The following NPY variants were observed in gnomAD, a reference collection of about 807,000 sequenced individuals.
The protein encoded by NPY is pro-neuropeptide Y.
A neutral mutation model predicts 13.2 loss-of-function variants in NPY; 11 were observed. That is an observed-to-expected ratio of 0.83 (90% confidence interval 0.52 to 1.38). The LOEUF (loss-of-function observed/expected upper bound fraction) is 1.38. NPY is among the 40% of genes most tolerant of loss of function. The pLI, the probability that NPY is intolerant of heterozygous loss-of-function variation, is 0.00. For synonymous variants in NPY, 51 were observed against 55.6 expected, an observed-to-expected ratio of 0.92 and a Z score of 0.37; for missense variants, 109 against 125.1, an observed-to-expected ratio of 0.87 and a Z score of 0.61.
Position 24,291,665 on chromosome 7 carries a change from T to C in NPY, c.272T>C (p.Leu91Pro), listed in dbSNP as rs1052363986. 3 of 1,614,050 alleles carry C rather than the reference T, an allele frequency of 1.9e-6. No individual in the cohort carries two copies. The highest frequency in any genetic ancestry group is 1.7e-5 in the Admixed American group (1 of 60,012). Residue 91 changes from leucine to proline, a missense_variant and splice_region_variant, in exon 4 of 4, where the codon CTT becomes CCT. Leu to Pro is a moderately conservative substitution (Grantham distance 98). Coordinates refer to ENST00000242152, the MANE Select transcript of NPY (RefSeq NM_000905.4). ...GCTTTGCTTCTTATGTTTTACAGGC[T>C]TGAAGACCCTGCAATGTGGTGATGG... is the stretch of plus-strand genomic sequence containing the variant. ...ESTENVPRTR[L>P]EDPAMW
Position 24,285,344 on chromosome 7 carries a change from A to T in NPY, c.104A>T (p.Asn35Ile), listed in dbSNP as rs1787321687. The T allele has an allele frequency of 1.2e-6, 2 of 1,613,882 alleles. No homozygotes were observed. ...LAEAYPSKPD[N>I]PGEDAPAEDM... ...GAGGCGTACCCCTCCAAGCCGGACA[A>T]CCCGGGCGAGGACGCACCAGCGGAG... Residue 35 changes from asparagine (N) to isoleucine (I), a missense_variant, in exon 2 of 4, where the codon AAC (asparagine) becomes ATC (isoleucine). By Grantham distance (149) the Asn-to-Ile change is moderately radical (BLOSUM62 -3). Transcript: ENST00000242152. The surrounding 1 kb of genome is among the most constrained non-coding windows in gnomAD (Gnocchi z 4.9).
At chr7:24,287,564 T>A (rs1387583011) in intron 2 of NPY, among the ~76,000 whole-genome samples, 1 of 151,972 alleles carries the variant, frequency 6.6e-6, no homozygotes, top group Non-Finnish European at 1.5e-5. Context: ...AGTGTGGGTC[T>A]CCTACAATTT....
chr7:24,290,995 TATG>T (rs1787581128), intron 3 of NPY, among the ~76,000 whole-genome samples: 1 of 152,068 alleles, frequency 6.6e-6, no homozygotes, highest in Non-Finnish European at 1.5e-5. Context: ...CTGACATGCA[TATG>T]ATGTTTGCCA....
rs115279329 is a variant in NPY at position 24,287,390 on chromosome 7, G to T, written c.188+1962G>T. ...TTCTGAAAATTACAGGGTCATTTGT[G>T]GATGTGCTTTAATTTAGTATAGATA... On this transcript the variant is annotated intron_variant, in intron 2 of 3. Transcript: ENST00000242152. 6.7e-3 allele frequency among the ~76,000 whole-genome samples: 1,024 copies of T among 152,252 alleles called. 12 individuals are homozygous for T. The highest frequency in any genetic ancestry group is 0.024 in the African/African-American group (987 of 41,542).
At chr7:24,287,880 C>A (rs1333671712) in intron 2 of NPY, among the ~76,000 whole-genome samples, 1 of 152,128 alleles carries the variant, frequency 6.6e-6, no homozygotes, top group Middle Eastern at 3.2e-3. Flanking sequence ...CACCCCTGAC[C>A]AATTAAATCA....
intron 2 of NPY, among the ~76,000 whole-genome samples, chr7:24,288,719 C>T (rs575193540): frequency 6.7e-6 from 1 of 150,318 alleles, no homozygotes; most frequent in Non-Finnish European, 1.5e-5. Context: ...AGAACATTTC[C>T]ATGGATCAGT....
At chr7:24,284,967 C>T in intron 1 of NPY, 1 of 549,220 alleles carries the variant, frequency 1.8e-6, no homozygotes, top group Non-Finnish European at 3.3e-6. Flanking sequence ...CCCCACCTTG[C>T]ACTCTCGCCG....
chr7:24,291,712 C>G lies in NPY; in HGVS notation c.*25C>G. 6.2e-7 allele frequency: 1 copy of G among 1,613,904 alleles called. No homozygotes were observed. Among genetic ancestry groups the G allele is most frequent in the South Asian group, 1.1e-5 (1 of 91,050 alleles). On this transcript the variant is annotated 3_prime_UTR_variant, in exon 4 of 4. Transcript: ENST00000242152. Reference sequence around the variant, plus strand: ...ATGGGAAATGAGACTTGCTCTCTGGCCTTTTCCTATTTTCAGCCCATATTT... The same window carrying G: ...ATGGGAAATGAGACTTGCTCTCTGGGCTTTTCCTATTTTCAGCCCATATTT...
At chr7:24,291,523 C>A in intron 3 of NPY, 140 bp from the exon 4 acceptor site, 2 of 893,312 alleles carry the variant, frequency 2.2e-6, no homozygotes, top group South Asian at 1.6e-5. Flanking sequence ...TTCCACATGG[C>A]TTCTTATTTA....
intron 3 of NPY, 52 bp from the exon 4 acceptor site, chr7:24,291,611 C>G: frequency 6.2e-6 from 10 of 1,610,178 alleles, no homozygotes; most frequent in Non-Finnish European, 8.5e-6. Flanking sequence ...TTGCTCATAC[C>G]TCAGGAAGTT....
At chr7:24,286,971 A>T (rs1787411690) in intron 2 of NPY, among the ~76,000 whole-genome samples, 1 of 152,226 alleles carries the variant, frequency 6.6e-6, no homozygotes, top group South Asian at 2.1e-4. Context: ...AGCATTTTAA[A>T]ATGTTTTCCT....
Position 24,285,510 on chromosome 7 carries a change from G to A in NPY, c.188+82G>A. On this transcript the variant is annotated intron_variant, in intron 2 of 3. Coordinates refer to ENST00000242152, the MANE Select transcript of NPY (RefSeq NM_000905.4). The surrounding 1 kb of genome is among the most constrained non-coding windows in gnomAD (Gnocchi z 4.9). ...CCTGGGGATGTTAGGGAAAGGGATT[G>A]TTTCTTTTCCTTCGCTCTATCCCAG... 3 of 1,404,624 alleles carry A rather than the reference G, an allele frequency of 2.1e-6. No individual in the cohort carries two copies. The highest frequency in any genetic ancestry group is 2.9e-6 in the Non-Finnish European group (3 of 1,024,316). The allele number at this position is 1,404,624 out of a possible 1,614,324, so 87.0% of individuals were successfully genotyped here. A position where few individuals can be genotyped will look rare whatever the true frequency, so the allele number is the denominator to read the frequency against.
intron 3 of NPY, among the ~76,000 whole-genome samples, chr7:24,290,068 C>G (rs890600288): frequency 6.6e-6 from 1 of 152,116 alleles, no homozygotes; most frequent in East Asian, 1.9e-4. Context: ...CTCTGGATTA[C>G]TTTTTGACAT....
At chr7:24,291,023 G>C (rs1787581981) in intron 3 of NPY, among the ~76,000 whole-genome samples, 1 of 151,996 alleles carries the variant, frequency 6.6e-6, no homozygotes, top group Non-Finnish European at 1.5e-5. Flanking sequence ...AAAAAGTTTA[G>C]GGTAGACTAT....
In NPY at chr7:24,285,834, G is replaced by C. The variant is rs1483277700; in HGVS notation, c.188+406G>C. On this transcript the variant is annotated intron_variant, in intron 2 of 3. Coordinates refer to ENST00000242152, the MANE Select transcript of NPY (RefSeq NM_000905.4). The surrounding 1 kb of genome is among the most constrained non-coding windows in gnomAD (Gnocchi z 4.9). ...GCTAGCAAGGTGTCTAGGAGAAACA[G>C]AACGACCACCAAAGAAAACCAAACC... Among the ~76,000 whole-genome samples the C allele has an allele frequency of 6.6e-6, 1 of 152,196 alleles. No individual in the cohort carries two copies. Among genetic ancestry groups the C allele is most frequent in the Non-Finnish European group, 1.5e-5 (1 of 68,034 alleles).
chr7:24,286,484 A>G lies in NPY; in HGVS notation c.188+1056A>G, dbSNP rs568681477. The stretch of plus-strand genomic sequence containing the variant: ...ATATGTTTAAAGTATTGTGGGGTTT[A>G]TATATTTATTTATTTAGTCCATATT... On this transcript the variant is annotated intron_variant, in intron 2 of 3. Transcript: ENST00000242152. 9.9e-5 allele frequency among the ~76,000 whole-genome samples: 15 copies of G among 152,276 alleles called. No homozygotes were observed. The South Asian group carries it at 3.1e-3, about 32-fold the overall frequency.
At chr7:24,287,737 C>A (rs1787444851) in intron 2 of NPY, among the ~76,000 whole-genome samples, 1 of 152,134 alleles carries the variant, frequency 6.6e-6, no homozygotes, top group South Asian at 2.1e-4. Context: ...AAATATCCTA[C>A]CATGCCCAGG....
rs1787315292 is a variant in NPY at position 24,285,204 on chromosome 7, T to C, written c.1-37T>C. 1 of 1,611,066 alleles carries C rather than the reference T, an allele frequency of 6.2e-7. No homozygotes were observed. The highest frequency in any genetic ancestry group is 8.5e-7 in the Non-Finnish European group (1 of 1,177,904). The stretch of plus-strand genomic sequence containing the variant: ...AGGTGCTGCGCGTGGGTGCTCTGAA[T>C]CCCCAAGCCCGTCCGTTGAGCCTTC... On this transcript the variant is annotated intron_variant, in intron 1 of 3. Coordinates refer to ENST00000242152, the MANE Select transcript of NPY (RefSeq NM_000905.4). The surrounding 1 kb of genome is among the most constrained non-coding windows in gnomAD (Gnocchi z 4.9).
At position 24,285,266 on chromosome 7, in the gene NPY, T is replaced by C. The variant is rs566235894; in HGVS notation, c.26T>C (p.Leu9Pro). The change falls in exon 2 of 4, where the codon CTG becomes CCG. Residue 9 changes from leucine (L) to proline (P), a missense_variant. Leu to Pro is a moderately conservative substitution (Grantham distance 98). Coordinates refer to ENST00000242152, the MANE Select transcript of NPY (RefSeq NM_000905.4). This position sits in a 1 kb window ranked among gnomAD's most constrained non-coding sequence, Gnocchi z 4.9. MLGNKRLG[L>P]SGLTLALSLL... Reference sequence around the variant, plus strand: ...ATGCTAGGTAACAAGCGACTGGGGCTGTCCGGACTGACCCTCGCCCTGTCC... The same window carrying C: ...ATGCTAGGTAACAAGCGACTGGGGCCGTCCGGACTGACCCTCGCCCTGTCC... 6.2e-7 allele frequency: 1 copy of C among 1,614,072 alleles called. No individual in the cohort carries two copies. The highest frequency in any genetic ancestry group is 2.2e-5 in the East Asian group (1 of 44,864).
Sources: gnomAD v4.1 joint callset for allele counts (sites outside exome capture counted in the v4.1 genomes callset) on GRCh38, gnomAD v4.1.1 for gene constraint, Gnocchi (gnomAD v3.1) non-coding constraint, MANE v1.5 for transcripts, NCBI Gene and HGNC (gene_info 2026-07-23, HGNC 2026-07-21) for gene names.